CCDC61: variants seen among roughly 807,000 people sequenced by gnomAD.
CCDC61 encodes centrosomal protein CCDC61.
CCDC61 carries 55 observed loss-of-function variants against 63.0 expected under a neutral mutation model. The observed-to-expected ratio is 0.87, with a 90% confidence interval of 0.70 to 1.09. The LOEUF is 1.09. CCDC61 is among the 50% of genes least tolerant of loss of function. CCDC61 has a pLI of 0.00. For missense variants in CCDC61, 651 were observed against 731.4 expected, an observed-to-expected ratio of 0.89 and a Z score of 1.27; for synonymous variants, 270 against 317.0, an observed-to-expected ratio of 0.85 and a Z score of 1.58.
intron 1 of CCDC61, among the ~76,000 whole-genome samples, chr19:45,998,304 C>A (rs1197318873): frequency 6.6e-6 from 1 of 152,170 alleles, no homozygotes; most frequent in African/African-American, 2.4e-5. Context: ...TCTGGGCCCA[C>A]CCCCAGAGTT....
At position 46,017,030 on chromosome 19, in the gene CCDC61, G is replaced by A. The variant is rs61745745; in HGVS notation, c.1271G>A (p.Cys424Tyr). 4.0e-4 allele frequency: 651 copies of A among 1,612,646 alleles called. 2 individuals carry two copies. The African/African-American group carries it at 7.5e-3, about 19-fold the overall frequency. Reference protein sequence around the residue: ...FRSRCSSASSCSDLEDFSESL... With the variant: ...FRSRCSSASSYSDLEDFSESL... ...AGCCGCTGCTCGTCTGCCAGCTCCT[G>A]CAGCGATTTGGAGGATTTCTCTGAG... Residue 424 changes from cysteine (C) to tyrosine (Y), a missense_variant, in exon 11 of 14, where the codon TGC (cysteine) becomes TAC (tyrosine). Cys to Tyr is a radical substitution (Grantham distance 194). Coordinates refer to ENST00000595358, the MANE Select transcript of CCDC61 (RefSeq NM_001267723.2).
intron 5 of CCDC61, among the ~76,000 whole-genome samples, chr19:46,011,794 A>G (rs533086510): frequency 6.6e-6 from 1 of 152,150 alleles, no homozygotes; most frequent in South Asian, 2.1e-4. Context: ...GCTGCCCTGT[A>G]CATTCACCAT....
rs1372651529 is a variant in CCDC61 at position 46,015,115 on chromosome 19, G to C, written c.618G>C (p.Ala206=). ...AGCTGGGCCGATCGCGCGAGGAGGC[G>C]CTGGCCGGGCGCGCGGCACGCCAGG... The part of the protein sequence containing the change: ...EAQLGRSREE[A]LAGRAARQEA... The change falls in exon 6 of 14, where the codon GCG becomes GCC. Residue 206 remains alanine (A), a synonymous_variant. Transcript: ENST00000595358. The surrounding 1 kb of genome is among the most constrained non-coding windows in gnomAD (Gnocchi z 5.3). The C allele has an allele frequency of 7.6e-7, 1 of 1,311,930 alleles. No individual in the cohort carries two copies. The highest frequency in any genetic ancestry group is 9.7e-7 in the Non-Finnish European group (1 of 1,032,926). 81.3% of individuals were successfully genotyped at this position (1,311,930 alleles called of 1,614,324 possible). A position where few individuals can be genotyped will look rare whatever the true frequency, so the allele number is the denominator to read the frequency against.
intron 1 of CCDC61, among the ~76,000 whole-genome samples, chr19:45,999,893 C>T (rs967967605): frequency 6.6e-6 from 1 of 151,770 alleles, no homozygotes; most frequent in Non-Finnish European, 1.5e-5. Context: ...GGGGTGGTGA[C>T]GTCATGGGTT....
In CCDC61 at chr19:46,003,041, A is replaced by G; in HGVS notation, c.23A>G (p.Gln8Arg). Residue 8 changes from glutamine (Q) to arginine (R), a missense_variant, in exon 2 of 14, where the codon CAG becomes CGG. By Grantham distance (43) the Gln-to-Arg change is conservative. Transcript: ENST00000595358. Reference protein sequence around the residue: MDQPAGLQVDYVFRGVEH... With the variant: MDQPAGLRVDYVFRGVEH... ...GCCATGGACCAGCCGGCTGGCCTGC[A>G]GGTGGACTACGTCTTCCGGGGTGTG... 6.3e-7 allele frequency: 1 copy of G among 1,579,550 alleles called. No homozygotes were observed. The highest frequency in any genetic ancestry group is 8.6e-7 in the Non-Finnish European group (1 of 1,162,630).
At chr19:45,997,967 G>C (rs529816790) in intron 1 of CCDC61, among the ~76,000 whole-genome samples, 2 of 152,226 alleles carry the variant, frequency 1.3e-5, no homozygotes, top group African/African-American at 2.4e-5. Flanking sequence ...GATTACAGGC[G>C]TGAGTCACTG....
In CCDC61 at chr19:46,015,724, T is replaced by C. The variant is rs1005188592; in HGVS notation, c.845+297T>C. Among the ~76,000 whole-genome samples, 1 of 151,746 alleles carries C rather than the reference T, an allele frequency of 6.6e-6. No homozygotes were observed. The highest frequency in any genetic ancestry group is 6.5e-5 in the Admixed American group (1 of 15,270). On this transcript the variant is annotated intron_variant, in intron 7 of 13. Transcript: ENST00000595358. The surrounding 1 kb of genome is among the most constrained non-coding windows in gnomAD (Gnocchi z 5.3). ...GTGCGAAAGGGTGCGGCGCAGCAGG[T>C]GGGATCAGGGTGAGGTCCGCTGGCA...
chr19:46,012,539 C>T (rs1038079567), intron 5 of CCDC61, among the ~76,000 whole-genome samples: 1 of 151,848 alleles, frequency 6.6e-6, no homozygotes, highest in Non-Finnish European at 1.5e-5. Context: ...CCCAGCTACT[C>T]GGGAGGCTGA....
chr19:46,003,440 A>G lies in CCDC61; in HGVS notation c.170A>G (p.Lys57Arg), dbSNP rs1968631495. The G allele has an allele frequency of 1.9e-6, 3 of 1,612,416 alleles. No individual in the cohort carries two copies. Among genetic ancestry groups the G allele is most frequent in the South Asian group, 1.1e-5 (1 of 90,970 alleles). ...CCAGTCATTGAAGATTTGACTCACA[A>G]GACAGGGAACTTCAAACAGTTCAAC... ...DAGFIEDLTHKTGNFKQFNIF... is the reference protein window; with the variant it reads ...DAGFIEDLTHRTGNFKQFNIF... The change falls in exon 3 of 14, where the codon AAG becomes AGG. Residue 57 changes from lysine to arginine, a missense_variant. By Grantham distance (26) the Lys-to-Arg change is conservative. Coordinates refer to ENST00000595358, the MANE Select transcript of CCDC61 (RefSeq NM_001267723.2).
intron 1 of CCDC61, among the ~76,000 whole-genome samples, chr19:45,999,637 C>A (rs943879726): frequency 1.3e-5 from 2 of 151,944 alleles, no homozygotes; most frequent in African/African-American, 4.8e-5. Context: ...GCTCCGGCCC[C>A]GGGGTAAGAG....
At position 46,006,609 on chromosome 19, in the gene CCDC61, C is replaced by T; in HGVS notation, c.282C>T (p.Ser94=). 1 of 1,613,608 alleles carries T rather than the reference C, an allele frequency of 6.2e-7. No homozygotes were observed. Among genetic ancestry groups the T allele is most frequent in the Non-Finnish European group, 8.5e-7 (1 of 1,179,708 alleles). The change falls in exon 4 of 14, where the codon TCC becomes TCT. Residue 94 remains serine, a synonymous_variant. Transcript: ENST00000595358. ...TGCTGACCTACACAGACCTGGAGTC[C>T]CTGCGGAACCGCAAGATGGGGGGCC... ...LDLLTYTDLE[S]LRNRKMGGRP...
chr19:46,006,283 G>A (rs1968707654), intron 3 of CCDC61, among the ~76,000 whole-genome samples: 1 of 152,256 alleles, frequency 6.6e-6, no homozygotes, highest in East Asian at 1.9e-4. Context: ...TCCCTGAAAG[G>A]GTCTCGTGGA....
chr19:46,008,333 G>A, intron 5 of CCDC61, 32 bp downstream of exon 5: 1 of 935,004 alleles, frequency 1.1e-6, no homozygotes, highest in Non-Finnish European at 1.6e-6. Context: ...AGCTGGGGCG[G>A]GTGGGGGCCC....
chr19:45,997,229 G>A (rs1374963034), intron 1 of CCDC61, among the ~76,000 whole-genome samples: 1 of 152,154 alleles, frequency 6.6e-6, no homozygotes, highest in Non-Finnish European at 1.5e-5. Flanking sequence ...CTTTTCAGGT[G>A]TCTGTGTGGC....
chr19:46,005,168 G>A (rs757011950), intron 3 of CCDC61, among the ~76,000 whole-genome samples: 18 of 152,086 alleles, frequency 1.2e-4, no homozygotes, highest in East Asian at 1.9e-4. Flanking sequence ...GCGCCATCAT[G>A]CCCGGCTAAT....
intron 1 of CCDC61, among the ~76,000 whole-genome samples, chr19:45,999,417 C>T (rs1350742974): frequency 1.3e-5 from 2 of 151,850 alleles, no homozygotes; most frequent in East Asian, 3.9e-4. Context: ...CCAGGCCACG[C>T]GTGTGAATGT....
At position 46,015,791 on chromosome 19, in the gene CCDC61, G is replaced by A. The variant is rs1968919637; in HGVS notation, c.846-263G>A. Among the ~76,000 whole-genome samples the A allele has an allele frequency of 6.6e-6, 1 of 151,958 alleles. No homozygotes were observed. Among genetic ancestry groups the A allele is most frequent in the South Asian group, 2.1e-4 (1 of 4,816 alleles). On this transcript the variant is annotated intron_variant, in intron 7 of 13. Transcript: ENST00000595358. This position sits in a 1 kb window ranked among gnomAD's most constrained non-coding sequence, Gnocchi z 5.3. ...TGGAAAATTGGAAAGAGTTTCCGGGGAGTTGTGGAAGACTCCGGAAAGAAG... is the reference window on the plus strand; with the variant it reads ...TGGAAAATTGGAAAGAGTTTCCGGGAAGTTGTGGAAGACTCCGGAAAGAAG...
Position 46,016,598 on chromosome 19 carries a change from C to A in CCDC61, c.1092-96C>A. On this transcript the variant is annotated intron_variant, in intron 9 of 13. Transcript: ENST00000595358. The surrounding 1 kb of genome is among the most constrained non-coding windows in gnomAD (Gnocchi z 7.2). ...CCGCTCGTAGGCCTGTCACCTCAGG[C>A]TTTCGCTGGCGTGGCTGTGACCTTT... is the stretch of plus-strand genomic sequence containing the variant. The A allele has an allele frequency of 6.5e-7, 1 of 1,542,762 alleles. No homozygotes were observed. Among genetic ancestry groups the A allele is most frequent in the Non-Finnish European group, 8.8e-7 (1 of 1,138,812 alleles).
At chr19:46,010,299 G>A (rs1968804289) in intron 5 of CCDC61, among the ~76,000 whole-genome samples, 1 of 152,206 alleles carries the variant, frequency 6.6e-6, no homozygotes, top group Non-Finnish European at 1.5e-5. Context: ...CAGGGCGCCC[G>A]GCCACGCAGC....
Sources: gnomAD v4.1 joint callset for allele counts (sites outside exome capture counted in the v4.1 genomes callset) on GRCh38, gnomAD v4.1.1 for gene constraint, Gnocchi (gnomAD v3.1) non-coding constraint, MANE v1.5 for transcripts, NCBI Gene and HGNC (gene_info 2026-07-23, HGNC 2026-07-21) for gene names.